Variants in CREM observed in about 807,000 individuals in gnomAD.
CREM encodes the protein cAMP-responsive element modulator.
CREM carries 13 observed loss-of-function variants against 37.3 expected under a neutral mutation model. That is an observed-to-expected ratio of 0.35 (90% CI 0.23 to 0.55). The LOEUF is 0.55. Ranked by LOEUF, CREM falls within the 20% of genes least tolerant of loss-of-function variation. The probability of loss-of-function intolerance (pLI) is 0.88; values close to 1 mark genes in which losing one functional copy is unlikely to be tolerated. For synonymous variants in CREM, 124 were observed against 120.2 expected (o/e 1.03, Z -0.21); for missense variants, 296 against 362.3 (o/e 0.82, Z 1.49).
At chr10:35,201,814 A>T (rs1225689073) in intron 6 of CREM, among the ~76,000 whole-genome samples, 1 of 152,214 alleles carries the variant, frequency 6.6e-6, no homozygotes, top group Non-Finnish European at 1.5e-5. Flanking sequence ...CGCATCTTGT[A>T]GGGCTTTCCA....
chr10:35,192,116 AC>A (rs1458615638), intron 6 of CREM, among the ~76,000 whole-genome samples: 4 of 152,082 alleles, frequency 2.6e-5, no homozygotes, highest in African/African-American at 9.7e-5. Context: ...CCTGTGGGCT[AC>A]AGTCTCCGGC....
rs558242774 is a variant in CREM, at chr10:35,136,481, TG to T, written c.-54-1300del. On this transcript the variant is annotated intron_variant, in intron 1 of 7. Transcript: ENST00000685392. ...TTTGATGTCAGAATGGCATCAGTTC[TG>T]CTTTTTGTTCCTCTTGTGAGGAGCC... is the stretch of plus-strand genomic sequence containing the variant. Among the ~76,000 whole-genome samples the T allele has an allele frequency of 2.4e-3, 366 of 152,326 alleles. 5 individuals are homozygous for T. Among genetic ancestry groups the T allele is most frequent in the Non-Finnish European group, 7.1e-4 (48 of 68,026 alleles).
At chr10:35,132,115 C>T (rs2089510362) in intron 1 of CREM, among the ~76,000 whole-genome samples, 1 of 150,432 alleles carries the variant, frequency 6.6e-6, no homozygotes, top group Non-Finnish European at 1.5e-5. Flanking sequence ...GCAGGAGAAT[C>T]GCTTGAACCC....
rs193250478 is a variant in CREM, at chr10:35,145,890, A to T, written c.45-2478A>T. 3.3e-5 allele frequency among the ~76,000 whole-genome samples: 5 copies of T among 152,094 alleles called. No homozygotes were observed. In the South Asian group the frequency reaches 6.2e-4, roughly 19 times the overall value. ...TAGTACATATTGGAATTGTTTGCAT[A>T]TAAGAAGTTAAATTCTCAAGAAAGT... On this transcript the variant is annotated intron_variant, in intron 2 of 7. Transcript: ENST00000685392.
chr10:35,179,162 G>A lies in CREM; in HGVS notation c.295G>A (p.Val99Met). ...AATACTGAATGAACTGTCCTCTGAT[G>A]TGCCTGGTGTTCCCAAGATTGAAGA... ...RKILNELSSD[V>M]PGVPKIEEER... is the part of the protein sequence containing the mutation. The change falls in exon 5 of 8, where the codon GTG (valine) becomes ATG (methionine). Residue 99 changes from valine (V) to methionine (M), a missense_variant. By Grantham distance (21) the Val-to-Met change is conservative. This residue lies in a region of CREM where 257 missense variants were observed against 280.2 expected (regional missense o/e 0.92). Transcript: ENST00000685392. The A allele has an allele frequency of 6.2e-7, 1 of 1,613,726 alleles. No homozygotes were observed. The highest frequency in any genetic ancestry group is 8.5e-7 in the Non-Finnish European group (1 of 1,179,828).
intron 3 of CREM, among the ~76,000 whole-genome samples, chr10:35,176,676 T>A (rs1289481023): frequency 6.6e-6 from 1 of 152,130 alleles, no homozygotes; most frequent in Non-Finnish European, 1.5e-5. Context: ...CCCAAAGTGC[T>A]GGGATTACAG....
intron 2 of CREM, among the ~76,000 whole-genome samples, chr10:35,138,716 T>A (rs1272304777): frequency 6.6e-6 from 1 of 151,498 alleles, no homozygotes; most frequent in Non-Finnish European, 1.5e-5. Flanking sequence ...ATTAAAACAA[T>A]TTATTACTAA....
chr10:35,203,332 C>A (rs1457609861), intron 6 of CREM, among the ~76,000 whole-genome samples: 1 of 152,168 alleles, frequency 6.6e-6, no homozygotes, highest in Non-Finnish European at 1.5e-5. Context: ...AGGCGTGAGC[C>A]ACCATGTCTG....
chr10:35,172,990 T>C (rs540825600), intron 3 of CREM, among the ~76,000 whole-genome samples: 2 of 152,230 alleles, frequency 1.3e-5, no homozygotes, highest in Admixed American at 1.3e-4. Flanking sequence ...CATTGTGAGC[T>C]TGACAATATT....
rs183507485 is a variant in CREM at position 35,128,807 on chromosome 10, G to C, written c.-55+1614G>C. ...CCCAAAGTGCTGGGATTACAGGCAT[G>C]AGCCACCGCTCCCGGCCTTTTTTTC... On this transcript the variant is annotated intron_variant, in intron 1 of 7. Transcript: ENST00000685392. Among the ~76,000 whole-genome samples the C allele has an allele frequency of 4.3e-4, 65 of 152,304 alleles. 1 individual carries two copies. Among genetic ancestry groups the C allele is most frequent in the African/African-American group, 1.4e-3 (58 of 41,566 alleles).
At position 35,181,518 on chromosome 10, in the gene CREM, G is replaced by C. The variant is rs116264253; in HGVS notation, c.409+2242G>C. Among the ~76,000 whole-genome samples, 8 of 152,250 alleles carry C rather than the reference G, an allele frequency of 5.3e-5. No individual in the cohort carries two copies. The South Asian group carries it at 8.3e-4, about 16-fold the overall frequency. On this transcript the variant is annotated intron_variant, in intron 5 of 7. Coordinates refer to ENST00000685392, the MANE Select transcript of CREM (RefSeq NM_183011.2). Reference sequence around the variant, plus strand: ...TAAACCTCACTCTGTGTGTCTGTGGGGGGGATGAGAGGAGCAGAGTCAGGA... The same window carrying C: ...TAAACCTCACTCTGTGTGTCTGTGGCGGGGATGAGAGGAGCAGAGTCAGGA...
intron 6 of CREM, chr10:35,201,424 A>G: frequency 6.4e-7 from 1 of 1,551,394 alleles, no homozygotes; most frequent in Non-Finnish European, 8.7e-7. Context: ...TGAGTATTAA[A>G]TGAGATACTG....
chr10:35,175,036 A>G (rs1348521226), intron 3 of CREM, among the ~76,000 whole-genome samples: 8 of 152,372 alleles, frequency 5.3e-5, no homozygotes, highest in Non-Finnish European at 5.9e-5. Flanking sequence ...TCTTCGGCCT[A>G]TGCCTTTTTA....
intron 2 of CREM, among the ~76,000 whole-genome samples, chr10:35,145,664 A>T (rs1022335340): frequency 2.0e-5 from 3 of 151,186 alleles, no homozygotes; most frequent in Admixed American, 1.3e-4. Context: ...CAGTAATCCC[A>T]GCTACGTGGG....
Position 35,187,006 on chromosome 10 carries a change from A to AT in CREM, c.410-1194_410-1193insT, listed in dbSNP as rs1564919827. 6.3e-3 allele frequency among the ~76,000 whole-genome samples: 556 copies of AT among 87,566 alleles called. 8 individuals are homozygous for AT. The highest frequency in any genetic ancestry group is 0.027 in the African/African-American group (536 of 20,060). The allele number at this position is 87,566 out of a possible 152,430, so 57.4% of individuals were successfully genotyped here. ...GTGATATATATTATATATTATATAT[A>AT]ATATAATATATAATATATATCACAT... On this transcript the variant is annotated intron_variant, in intron 5 of 7. Transcript: ENST00000685392.
At position 35,155,875 on chromosome 10, in the gene CREM, C is replaced by T. The variant is rs554052616; in HGVS notation, c.168+7384C>T. ...TGATCTCCTGACCTTGTGATCCACC[C>T]GCCTCAGCCTCCCAAAGTGCTGGGA... is the stretch of plus-strand genomic sequence containing the variant. On this transcript the variant is annotated intron_variant, in intron 3 of 7. Transcript: ENST00000685392. 2.6e-5 allele frequency among the ~76,000 whole-genome samples: 4 copies of T among 151,676 alleles called. No homozygotes were observed. In the South Asian group the frequency reaches 6.3e-4, roughly 24 times the overall value.
intron 7 of CREM, among the ~76,000 whole-genome samples, chr10:35,211,013 G>C (rs1381809238): frequency 6.6e-6 from 1 of 152,232 alleles, no homozygotes; most frequent in Non-Finnish European, 1.5e-5. Context: ...CCAGTGGAAT[G>C]TGTGCCCTAA....
intron 6 of CREM, among the ~76,000 whole-genome samples, chr10:35,199,608 T>TA (rs2134191045): frequency 6.6e-6 from 1 of 152,212 alleles, no homozygotes; most frequent in South Asian, 2.1e-4. Context: ...GTTCAAATGC[T>TA]AAAAAAGGCA....
intron 6 of CREM, among the ~76,000 whole-genome samples, chr10:35,204,426 C>G (rs761187155): frequency 2.6e-5 from 4 of 152,002 alleles, no homozygotes; most frequent in South Asian, 2.1e-4. Flanking sequence ...ATGGTGAAAC[C>G]CTGTTTCTAC....
Sources: gnomAD v4.1 joint callset for allele counts (sites outside exome capture counted in the v4.1 genomes callset) on GRCh38, gnomAD v4.1.1 for gene constraint, gnomAD v4.1.1 regional missense constraint, MANE v1.5 for transcripts, NCBI Gene and HGNC (gene_info 2026-07-23, HGNC 2026-07-21) for gene names.